GREB1: variants seen among roughly 807,000 people sequenced by gnomAD.
GREB1 encodes growth regulating estrogen receptor binding 1.
Under a neutral mutation model 200.7 loss-of-function variants are expected in GREB1, and 106 were observed. The observed-to-expected ratio is 0.53, with a 90% CI of 0.45 to 0.62. GREB1 has a LOEUF of 0.62. GREB1 is among the 20% of genes least tolerant of loss of function. The probability of loss-of-function intolerance (pLI) is 0.00; values close to 1 mark genes in which losing one functional copy is unlikely to be tolerated. For synonymous variants in GREB1, 1,132 were observed against 1,092.4 expected, an observed-to-expected ratio of 1.04 and a Z score of -0.72; for missense variants, 2,243 against 2,556.8, an observed-to-expected ratio of 0.88 and a Z score of 2.65.
At chr2:11,638,546 T>C (rs1345237860) in intron 31 of GREB1, 125 bp from the exon 32 acceptor site, 4 of 715,708 alleles carry the variant, frequency 5.6e-6, no homozygotes, top group Non-Finnish European at 7.0e-6. Flanking sequence ...AAATATTGTC[T>C]CTGGCCCCCC....
intron 1 of GREB1, chr2:11,517,504 T>TG (rs1427953183): frequency 2.6e-5 from 3 of 115,294 alleles, no homozygotes; most frequent in South Asian, 4.0e-4. Context: ...GCTGTAGACT[T>TG]GAAAAAAAAA....
chr2:11,545,675 G>A (rs771610448), intron 1 of GREB1, among the ~76,000 whole-genome samples: 1 of 152,198 alleles, frequency 6.6e-6, no homozygotes, highest in Non-Finnish European at 1.5e-5. Flanking sequence ...TGTTCCAAAT[G>A]TGTGACCTTG....
At chr2:11,605,144 CTTTTTTTTTTTT>C (rs3035991) in intron 17 of GREB1, among the ~76,000 whole-genome samples, 81 of 44,828 alleles carry the variant, frequency 1.8e-3, no homozygotes, top group South Asian at 9.7e-3. Context: ...GAGCCTGCTT[CTTTTTTTTTTTT>C]TTTTTTTTTT....
intron 21 of GREB1, 145 bp downstream of exon 21, chr2:11,616,865 ACT>A: frequency 1.6e-6 from 1 of 631,300 alleles, no homozygotes; most frequent in Non-Finnish European, 2.8e-6. Context: ...GAAGTGCTAG[ACT>A]CTCTAGAGAG....
intron 4 of GREB1, among the ~76,000 whole-genome samples, chr2:11,567,699 A>C (rs1015924200): frequency 2.0e-5 from 3 of 152,230 alleles, no homozygotes; most frequent in African/African-American, 7.2e-5. Flanking sequence ...AGCTGAGGCC[A>C]GGCCTTGCCA....
rs1249994245 is a variant in GREB1, at chr2:11,633,219, GT to G, written c.4991+157del. On this transcript the variant is annotated intron_variant, in intron 28 of 32. Coordinates refer to ENST00000381486, the MANE Select transcript of GREB1 (RefSeq NM_014668.4). The surrounding 1 kb of genome is among the most constrained non-coding windows in gnomAD (Gnocchi z 4.1). ...GGTTGTGGTTCCCAGAGTCCTGGGTGTGGTAAAAGTGAGCTCATGTGCCAAG... is the reference window on the plus strand; with the variant it reads ...GGTTGTGGTTCCCAGAGTCCTGGGTGGGTAAAAGTGAGCTCATGTGCCAAG... Among the ~76,000 whole-genome samples, 2 of 152,126 alleles carry G rather than the reference GT, an allele frequency of 1.3e-5. No homozygotes were observed. Among genetic ancestry groups the G allele is most frequent in the East Asian group, 3.9e-4 (2 of 5,184 alleles).
chr2:11,599,584 G>A (rs1156648675), intron 15 of GREB1, among the ~76,000 whole-genome samples: 3 of 147,642 alleles, frequency 2.0e-5, no homozygotes, highest in African/African-American at 7.6e-5. Context: ...GCAGTGGCAC[G>A]ATCTCCGCTC....
intron 10 of GREB1, 137 bp from the exon 11 acceptor site, chr2:11,592,639 C>G: frequency 1.8e-6 from 1 of 547,322 alleles, no homozygotes; most frequent in East Asian, 3.4e-5. Flanking sequence ...GATTTTATGC[C>G]CTCCCCTCGT....
intron 23 of GREB1, among the ~76,000 whole-genome samples, chr2:11,624,347 T>G (rs1260944098): frequency 6.7e-6 from 1 of 150,082 alleles, no homozygotes; most frequent in African/African-American, 2.5e-5. Flanking sequence ...AATTCTTTTT[T>G]TTTTTTTTTT....
intron 9 of GREB1, chr2:11,587,339 T>G (rs781676462): frequency 7.2e-6 from 10 of 1,384,014 alleles, no homozygotes; most frequent in Admixed American, 1.7e-5. Flanking sequence ...GTCACATACT[T>G]GCCTTTATAG....
chr2:11,508,091 T>G (rs1673233713), intron 1 of GREB1, among the ~76,000 whole-genome samples: 1 of 152,186 alleles, frequency 6.6e-6, no homozygotes, highest in Non-Finnish European at 1.5e-5. Flanking sequence ...TGGTAGAGGT[T>G]TGCTTTCTTC....
rs1684846031 is a variant in GREB1 at position 11,631,174 on chromosome 2, C to T, written c.4612-735C>T. Among the ~76,000 whole-genome samples the T allele has an allele frequency of 3.3e-5, 5 of 152,304 alleles. No homozygotes were observed. The South Asian group carries it at 1.0e-3, about 32-fold the overall frequency. Reference sequence around the variant, plus strand: ...ACCAGCTGCATGCACAGTGTTGTGGCAGGTGCTCTGAGGAATTCAGAGGGA... The same window carrying T: ...ACCAGCTGCATGCACAGTGTTGTGGTAGGTGCTCTGAGGAATTCAGAGGGA... On this transcript the variant is annotated intron_variant, in intron 26 of 32. Transcript: ENST00000381486.
At chr2:11,558,428 C>T (rs1473615144) in intron 2 of GREB1, among the ~76,000 whole-genome samples, 1 of 152,186 alleles carries the variant, frequency 6.6e-6, no homozygotes, top group African/African-American at 2.4e-5. Context: ...AGCGCTGAGG[C>T]TTAAGCCTTC....
At chr2:11,616,145 A>G (rs1419941189) in intron 20 of GREB1, among the ~76,000 whole-genome samples, 1 of 152,168 alleles carries the variant, frequency 6.6e-6, no homozygotes, top group Non-Finnish European at 1.5e-5. Flanking sequence ...CTCTCTACCC[A>G]TAGCCCGCAT....
At chr2:11,488,973 A>G (rs889808531) in intron 1 of GREB1, among the ~76,000 whole-genome samples, 2 of 151,920 alleles carry the variant, frequency 1.3e-5, no homozygotes, top group Non-Finnish European at 2.9e-5. Flanking sequence ...AGTATGCAAC[A>G]TAGGTGATTA....
intron 17 of GREB1, among the ~76,000 whole-genome samples, chr2:11,609,242 T>TTTTATTTTA (rs1553374320): frequency 1.0e-4 from 14 of 136,878 alleles, no homozygotes; most frequent in African/African-American, 3.8e-4. Flanking sequence ...GGCATTATTA[T>TTTTATTTTA]TTTATTTATT....
In GREB1 at chr2:11,508,894, G is replaced by GTA. The variant is rs1673262228; in HGVS notation, c.-159+26513_-159+26514insTA. Among the ~76,000 whole-genome samples, 5 of 142,626 alleles carry GTA rather than the reference G, an allele frequency of 3.5e-5. 1 individual carries two copies. Among genetic ancestry groups the GTA allele is most frequent in the Non-Finnish European group, 4.5e-5 (3 of 66,154 alleles). The allele number at this position is 142,626 out of a possible 152,430, so 93.6% of individuals were successfully genotyped here. On this transcript the variant is annotated intron_variant, in intron 1 of 2. Transcript: ENST00000628795. The stretch of plus-strand genomic sequence containing the variant: ...CTCTCTTTTTTTTTTTTTTTTTTCG[G>GTA]GACAGAGTCTCGCTCTGTCGCCCAG...
intron 21 of GREB1, among the ~76,000 whole-genome samples, chr2:11,617,487 CTT>C (rs1558642151): frequency 5.3e-5 from 8 of 152,260 alleles, no homozygotes. Context: ...TTGCAGTAGT[CTT>C]TTGCACACAT....
chr2:11,550,490 A>G (rs2147815187), intron 1 of GREB1, among the ~76,000 whole-genome samples: 1 of 152,256 alleles, frequency 6.6e-6, no homozygotes, highest in Non-Finnish European at 1.5e-5. Context: ...TCTTTGGTTT[A>G]ATTTGTCCTG....
Sources: gnomAD v4.1 joint callset for allele counts (sites outside exome capture counted in the v4.1 genomes callset) on GRCh38, gnomAD v4.1.1 for gene constraint, Gnocchi (gnomAD v3.1) non-coding constraint, MANE v1.5 for transcripts, NCBI Gene and HGNC (gene_info 2026-07-23, HGNC 2026-07-21) for gene names.